ANKRD18A: variants seen among roughly 807,000 people sequenced by gnomAD.
ANKRD18A encodes ankyrin repeat domain 18A.
ANKRD18A carries 72 observed loss-of-function variants against 110.6 expected under a neutral mutation model. The ratio of observed to expected loss-of-function variants is 0.65; its 90% CI spans 0.54 to 0.79. ANKRD18A has a LOEUF of 0.79. Among genes scored for constraint, ANKRD18A ranks in the 30% least tolerant of loss-of-function variants. The pLI, the probability that ANKRD18A is intolerant of heterozygous loss-of-function variation, is 0.00. For synonymous variants in ANKRD18A, 305 were observed against 410.3 expected (o/e 0.74, Z 3.10); for missense variants, 934 against 1,163.3 (o/e 0.80, Z 2.87).
At position 38,571,976 on chromosome 9, in the gene ANKRD18A, T is replaced by C. The variant is rs1296608808; in HGVS notation, c.*69A>G. The stretch of plus-strand genomic sequence containing the variant: ...CATACAACTTTTCCTTAAGATTTTA[T>C]GGTTAATCTCTTCATTAGATGTGGC... On this transcript the variant is annotated 3_prime_UTR_variant, in exon 16 of 16. Transcript: ENST00000399703. 11 of 1,520,570 alleles carry C rather than the reference T, an allele frequency of 7.2e-6. No individual in the cohort carries two copies. Among genetic ancestry groups the C allele is most frequent in the Non-Finnish European group, 9.6e-6 (11 of 1,146,662 alleles). 94.2% of individuals were successfully genotyped at this position (1,520,570 alleles called of 1,614,324 possible).
chr9:38,616,388 G>A (rs1563979993), intron 1 of ANKRD18A, among the ~76,000 whole-genome samples: 1 of 152,214 alleles, frequency 6.6e-6, no homozygotes, highest in East Asian at 1.9e-4. Flanking sequence ...CCACTGTGAT[G>A]CTTAAATGAA....
chr9:38,610,411 CTAAAA>C lies in ANKRD18A; in HGVS notation c.603-6_603-2del. 2 of 1,537,910 alleles carry C rather than the reference CTAAAA, an allele frequency of 1.3e-6. No individual in the cohort carries two copies. Among genetic ancestry groups the C allele is most frequent in the Non-Finnish European group, 1.7e-6 (2 of 1,143,300 alleles). ...CTGTACTGCAAGTATGAGGGCTGTTCTAAAATAATAAAGAAATAACAGCACTCAAG... is the reference window on the plus strand; with the variant it reads ...CTGTACTGCAAGTATGAGGGCTGTTCTAATAAAGAAATAACAGCACTCAAG... On this transcript the variant is annotated splice_acceptor_variant and splice_polypyrimidine_tract_variant and intron_variant, in intron 4 of 15. Coordinates refer to ENST00000399703, the MANE Select transcript of ANKRD18A (RefSeq NM_147195.4). LOFTEE classifies it high-confidence loss of function.
Position 38,595,735 on chromosome 9 carries a change from G to T in ANKRD18A, c.1605C>A (p.Ser535=), listed in dbSNP as rs761538079. The T allele has an allele frequency of 3.2e-6, 5 of 1,551,228 alleles. No homozygotes were observed. The highest frequency in any genetic ancestry group is 4.4e-6 in the Non-Finnish European group (5 of 1,146,730). ...HPNGEAKESQ[S]IGKQNSLEER... ...CCTCTAAAGAGTTCTGCTTTCCAAT[G>T]GATTGACTTTCTTTAGCTTCTCCAT... The change falls in exon 9 of 16, where the codon TCC becomes TCA. Residue 535 remains serine (S), a synonymous_variant. Transcript: ENST00000399703.
At chr9:38,607,695 T>C (rs1825422094) in intron 5 of ANKRD18A, among the ~76,000 whole-genome samples, 1 of 152,186 alleles carries the variant, frequency 6.6e-6, no homozygotes, top group Admixed American at 6.5e-5. Context: ...GCTCATAAAC[T>C]GAGAAAAGCA....
At chr9:38,574,852 T>C (rs1823808486) in intron 15 of ANKRD18A, among the ~76,000 whole-genome samples, 3 of 151,980 alleles carry the variant, frequency 2.0e-5, no homozygotes, top group Admixed American at 2.0e-4. Context: ...TCCCAGCACT[T>C]TGGGAGGCTG....
Position 38,610,440 on chromosome 9 carries a change from A to G in ANKRD18A, c.603-30T>C. 5 of 1,523,820 alleles carry G rather than the reference A, an allele frequency of 3.3e-6. No homozygotes were observed. The African/African-American group carries it at 4.2e-5, about 13-fold the overall frequency. 94.4% of individuals were successfully genotyped at this position (1,523,820 alleles called of 1,614,324 possible). A position where few individuals can be genotyped will look rare whatever the true frequency, so the allele number is the denominator to read the frequency against. ...AATAATAAAGAAATAACAGCACTCAAGAACTTTGATGAAGATATTTAATTA... is the reference window on the plus strand; with the variant it reads ...AATAATAAAGAAATAACAGCACTCAGGAACTTTGATGAAGATATTTAATTA... On this transcript the variant is annotated intron_variant, in intron 4 of 15. Transcript: ENST00000399703.
chr9:38,578,556 G>C (rs1253568650), intron 12 of ANKRD18A, among the ~76,000 whole-genome samples: 1 of 152,024 alleles, frequency 6.6e-6, no homozygotes, highest in Non-Finnish European at 1.5e-5. Flanking sequence ...TCAATAAATG[G>C]CTCTCAGAAT....
rs947582982 is a variant in ANKRD18A at position 38,575,507 on chromosome 9, G to A, written c.2933C>T (p.Thr978Ile). Residue 978 changes from threonine (T) to isoleucine (I), a missense_variant, in exon 15 of 16, where the codon ACT becomes ATT. This residue lies in a region of ANKRD18A where 223 missense variants were observed against 226.7 expected (regional missense o/e 0.98). Coordinates refer to ENST00000399703, the MANE Select transcript of ANKRD18A (RefSeq NM_147195.4). ...CAAGAAGTTCTTGCAGTTATTTGAA[G>A]TCTGTGGGTTTGAAGTAGGAATTCT... ...AIRIPTSNPQ[T>I]SNNCKNFLTE... The A allele has an allele frequency of 1.9e-6, 3 of 1,551,532 alleles. No homozygotes were observed. The highest frequency in any genetic ancestry group is 2.7e-5 in the African/African-American group (2 of 73,042).
chr9:38,593,119 TA>T (rs1205589817), intron 10 of ANKRD18A, among the ~76,000 whole-genome samples: 2 of 152,222 alleles, frequency 1.3e-5, no homozygotes. Context: ...AAACTGTTTT[TA>T]AAATCCCATG....
intron 4 of ANKRD18A, among the ~76,000 whole-genome samples, chr9:38,610,745 A>G (rs1219757763): frequency 6.6e-6 from 1 of 151,210 alleles, no homozygotes; most frequent in Non-Finnish European, 1.5e-5. Context: ...AGATTTTCCC[A>G]TTGCTTTCCC....
chr9:38,573,184 T>G, intron 15 of ANKRD18A: 1 of 960,188 alleles, frequency 1.0e-6, no homozygotes, highest in Non-Finnish European at 1.4e-6. Context: ...AGAAATATTA[T>G]CATGAGATTA....
chr9:38,569,394 C>A, downstream of ANKRD18A: 1 of 985,372 alleles, frequency 1.0e-6, no homozygotes, highest in Non-Finnish European at 1.2e-6. Context: ...GAGCAGGTCC[C>A]ACTCACCTGA....
intron 7 of ANKRD18A, among the ~76,000 whole-genome samples, chr9:38,602,490 A>T (rs1459818027): frequency 6.6e-6 from 1 of 152,232 alleles, no homozygotes; most frequent in Non-Finnish European, 1.5e-5. Flanking sequence ...GAAATGCCAG[A>T]AAAAGGGGCA....
chr9:38,568,889 G>A (rs1823542456), downstream of ANKRD18A: 4 of 985,306 alleles, frequency 4.1e-6, no homozygotes, highest in African/African-American at 3.5e-5. Context: ...CCCAGCAGGG[G>A]GCCTCTGTCC....
chr9:38,571,011 C>T (rs1304495885), downstream of ANKRD18A: 10 of 1,206,536 alleles, frequency 8.3e-6, no homozygotes, highest in Admixed American at 3.6e-5. Context: ...GACCTAGAGA[C>T]ACAGCACAGA....
In ANKRD18A at chr9:38,595,537, A is replaced by G; in HGVS notation, c.1803T>C (p.Asn601=). ...ERNKELMKEY[N]YLKEKLLQCE... ...ACTGAAGCAGTTTTTCTTTTAAATAATTATATTCTTTCATTAATTCCTTAT... is the reference window on the plus strand; with the variant it reads ...ACTGAAGCAGTTTTTCTTTTAAATAGTTATATTCTTTCATTAATTCCTTAT... Residue 601 remains asparagine, a synonymous_variant, in exon 9 of 16, where the codon AAT becomes AAC. Coordinates refer to ENST00000399703, the MANE Select transcript of ANKRD18A (RefSeq NM_147195.4). 1 of 1,524,236 alleles carries G rather than the reference A, an allele frequency of 6.6e-7. No homozygotes were observed. Among genetic ancestry groups the G allele is most frequent in the South Asian group, 1.3e-5 (1 of 76,808 alleles). The allele number at this position is 1,524,236 out of a possible 1,614,324, so 94.4% of individuals were successfully genotyped here.
chr9:38,601,979 T>C (rs1384778348), intron 7 of ANKRD18A, among the ~76,000 whole-genome samples: 2 of 148,850 alleles, frequency 1.3e-5, no homozygotes, highest in Non-Finnish European at 3.0e-5. Context: ...TAAAAACTTG[T>C]TTCCAAAAAC....
chr9:38,582,067 G>C (rs1824188698), intron 12 of ANKRD18A, among the ~76,000 whole-genome samples: 1 of 152,142 alleles, frequency 6.6e-6, no homozygotes, highest in African/African-American at 2.4e-5. Context: ...GAAAGATGAT[G>C]ACTTCACTTG....
rs1254649191 is a variant in ANKRD18A at position 38,620,265 on chromosome 9, G to C, written c.21C>G (p.Phe7Leu). The change falls in exon 1 of 16, where the codon TTC (phenylalanine) becomes TTG (leucine). Residue 7 changes from phenylalanine to leucine, a missense_variant. This residue lies in a region of ANKRD18A where 630 missense variants were observed against 797.5 expected (regional missense o/e 0.79). Transcript: ENST00000399703. ...GGAGCGCCTGGCCCAGGCGTCTCCC[G>C]AAGCTGAAGAGCTTCCTCATGGTGG... is the stretch of plus-strand genomic sequence containing the variant. Reference protein sequence around the residue: MRKLFSFGRRLGQALLS... With the variant: MRKLFSLGRRLGQALLS... 1 of 1,550,938 alleles carries C rather than the reference G, an allele frequency of 6.4e-7. No homozygotes were observed. Among genetic ancestry groups the C allele is most frequent in the Non-Finnish European group, 8.7e-7 (1 of 1,146,736 alleles).
Sources: gnomAD v4.1 joint callset for allele counts (sites outside exome capture counted in the v4.1 genomes callset) on GRCh38, gnomAD v4.1.1 for gene constraint, gnomAD v4.1.1 regional missense constraint, MANE v1.5 for transcripts, NCBI Gene and HGNC (gene_info 2026-07-23, HGNC 2026-07-21) for gene names.